Variants in RFTN2 observed in about 807,000 individuals in gnomAD.
RFTN2 encodes the protein raftlin-2.
Under a neutral mutation model 52.7 loss-of-function variants are expected in RFTN2, and 34 were observed. The observed-to-expected ratio is 0.64, with a 90% CI of 0.49 to 0.86. The LOEUF (loss-of-function observed/expected upper bound fraction) is 0.86. Among genes scored for constraint, RFTN2 ranks in the 40% least tolerant of loss-of-function variants. The pLI, the probability that RFTN2 is intolerant of heterozygous loss-of-function variation, is 0.00. For missense variants in RFTN2, 536 were observed against 600.1 expected (o/e 0.89, Z 1.12); for synonymous variants, 203 against 217.7 (o/e 0.93, Z 0.59).
intron 1 of RFTN2, among the ~76,000 whole-genome samples, chr2:197,664,055 AG>A (rs1348283508): frequency 7.2e-5 from 11 of 152,198 alleles, no homozygotes; most frequent in African/African-American, 2.4e-4. Context: ...TTAACCCAAT[AG>A]TCATTCAGGA....
At chr2:197,573,660 G>A (rs910196444) in intron 8 of RFTN2, among the ~76,000 whole-genome samples, 10 of 152,242 alleles carry the variant, frequency 6.6e-5, no homozygotes, top group Admixed American at 5.2e-4. Context: ...GGAGCCAAAT[G>A]TTAATTGCCA....
chr2:197,653,120 C>A (rs1020105590), intron 1 of RFTN2, among the ~76,000 whole-genome samples: 4 of 152,148 alleles, frequency 2.6e-5, no homozygotes, highest in African/African-American at 9.7e-5. Context: ...CCCACAAGGG[C>A]AGGATGAAAG....
At chr2:197,662,263 G>T (rs1296097834) in intron 1 of RFTN2, among the ~76,000 whole-genome samples, 1 of 151,996 alleles carries the variant, frequency 6.6e-6, no homozygotes, top group East Asian at 1.9e-4. Flanking sequence ...ATAGTTTTGG[G>T]TCTTATGTTT....
chr2:197,600,077 T>A (rs2087857140), intron 7 of RFTN2, among the ~76,000 whole-genome samples: 1 of 152,084 alleles, frequency 6.6e-6, no homozygotes, highest in African/African-American at 2.4e-5. Context: ...CAGGCTGGTC[T>A]TGAACTCCTG....
intron 7 of RFTN2, among the ~76,000 whole-genome samples, chr2:197,611,020 T>G (rs1426238279): frequency 6.6e-6 from 1 of 152,236 alleles, no homozygotes; most frequent in Admixed American, 6.5e-5. Context: ...TTTGCCAGTA[T>G]TTTATTGATG....
chr2:197,618,761 G>A (rs2088197055), intron 5 of RFTN2, among the ~76,000 whole-genome samples: 5 of 148,632 alleles, frequency 3.4e-5, no homozygotes, highest in South Asian at 2.2e-4. Flanking sequence ...TGTGAGGAGC[G>A]TCTCTGCCCG....
intron 1 of RFTN2, among the ~76,000 whole-genome samples, chr2:197,661,313 C>G (rs1263132621): frequency 6.6e-6 from 1 of 151,880 alleles, no homozygotes; most frequent in Non-Finnish European, 1.5e-5. Context: ...TCACAGCAAC[C>G]TCCGCCTTCT....
chr2:197,575,086 T>C (rs916425665), intron 8 of RFTN2, among the ~76,000 whole-genome samples: 1 of 152,120 alleles, frequency 6.6e-6, no homozygotes, highest in Non-Finnish European at 1.5e-5. Flanking sequence ...AATTGAATCA[T>C]GGGGGTGGGT....
In RFTN2 at chr2:197,607,206, C is replaced by A. The variant is rs568123537; in HGVS notation, c.1154+8670G>T. ...GGACATGGATGAAACTGGAAATCAT[C>A]ATTCTTAGCAAACTATTGCAAGGAC... is the stretch of plus-strand genomic sequence containing the variant. On this transcript the variant is annotated intron_variant, in intron 7 of 8. Transcript: ENST00000295049. Among the ~76,000 whole-genome samples, 29 of 152,212 alleles carry A rather than the reference C, an allele frequency of 1.9e-4. No homozygotes were observed. In the South Asian group the frequency reaches 5.6e-3, roughly 29 times the overall value.
intron 6 of RFTN2, among the ~76,000 whole-genome samples, chr2:197,616,275 T>TTTATTTTATTTTA (rs1553601957): frequency 1.6e-5 from 1 of 61,502 alleles, no homozygotes. Flanking sequence ...CTGCATTTTA[T>TTTATTTTATTTTA]TTTATTTTAT....
chr2:197,627,459 C>T (rs1264631887), intron 5 of RFTN2, among the ~76,000 whole-genome samples: 2 of 152,224 alleles, frequency 1.3e-5, no homozygotes, highest in African/African-American at 4.8e-5. Flanking sequence ...GTATTATAAA[C>T]CCAGTGCTTG....
At chr2:197,585,006 C>T (rs2106172709) in intron 8 of RFTN2, among the ~76,000 whole-genome samples, 1 of 152,302 alleles carries the variant, frequency 6.6e-6, no homozygotes, top group East Asian at 1.9e-4. Flanking sequence ...TATAGTACCC[C>T]AACTGCCGTC....
chr2:197,669,904 C>A (rs987921241), intron 1 of RFTN2, among the ~76,000 whole-genome samples: 1 of 152,188 alleles, frequency 6.6e-6, no homozygotes, highest in African/African-American at 2.4e-5. Context: ...CCGTAATACC[C>A]TGATTTTTAT....
Position 197,646,458 on chromosome 2 carries a change from CCT to C in RFTN2, c.323+23_323+24del, listed in dbSNP as rs1292704491. On this transcript the variant is annotated intron_variant, in intron 2 of 8. Coordinates refer to ENST00000295049, the MANE Select transcript of RFTN2 (RefSeq NM_144629.3). ...CAAAGAGAACTGTCACCCTCACCTG[CCT>C]CTTTCTTGAATAGTGTGCTTACCTT... is the stretch of plus-strand genomic sequence containing the variant. The C allele has an allele frequency of 6.3e-6, 10 of 1,579,806 alleles. No individual in the cohort carries two copies. In the Admixed American group the frequency reaches 1.1e-4, roughly 17 times the overall value.
chr2:197,568,467 A>G lies in RFTN2; in HGVS notation c.*3541T>C, dbSNP rs1335612955. 2 of 152,212 alleles carry G rather than the reference A, an allele frequency of 1.3e-5. No homozygotes were observed. Among genetic ancestry groups the G allele is most frequent in the South Asian group, 2.1e-4 (1 of 4,834 alleles). The allele number at this position is 152,212 out of a possible 1,614,324, so 9.4% of individuals were successfully genotyped here. On this transcript the variant is annotated 3_prime_UTR_variant, in exon 9 of 9. Transcript: ENST00000295049. Reference sequence around the variant, plus strand: ...GACCTGGTTCTGCAAACTTTGCACTATTACACAAATAAAATTCATTCTCAA... The same window carrying G: ...GACCTGGTTCTGCAAACTTTGCACTGTTACACAAATAAAATTCATTCTCAA...
intron 7 of RFTN2, among the ~76,000 whole-genome samples, chr2:197,611,369 C>T (rs1167356137): frequency 6.6e-6 from 1 of 152,056 alleles, no homozygotes; most frequent in Non-Finnish European, 1.5e-5. Context: ...GAAGTCATCC[C>T]TTTCTTCTAG....
intron 8 of RFTN2, among the ~76,000 whole-genome samples, chr2:197,592,052 G>A (rs1417784088): frequency 6.6e-6 from 1 of 152,212 alleles, no homozygotes; most frequent in Non-Finnish European, 1.5e-5. Context: ...GCCAGAGTGG[G>A]CGCCCAGGCT....
chr2:197,588,993 G>A (rs1003216420), intron 8 of RFTN2, among the ~76,000 whole-genome samples: 1 of 152,078 alleles, frequency 6.6e-6, no homozygotes, highest in African/African-American at 2.4e-5. Context: ...GGAGGCCAAG[G>A]CAGGTGGACC....
intron 5 of RFTN2, among the ~76,000 whole-genome samples, chr2:197,625,664 C>CTCTCT (rs1320261496): frequency 3.6e-5 from 1 of 28,044 alleles, no homozygotes; most frequent in Non-Finnish European, 8.3e-5. Context: ...AGAAATTCCT[C>CTCTCT]TCTCCTCTCC....
Sources: allele counts gnomAD v4.1 joint callset (sites outside exome capture counted in the v4.1 genomes callset), GRCh38; gene constraint gnomAD v4.1.1; transcripts MANE v1.5; gene names NCBI Gene and HGNC (gene_info 2026-07-23, HGNC 2026-07-21).